FOXM1: variants seen among roughly 807,000 people sequenced by gnomAD.
FOXM1 encodes forkhead box protein M1.
Under a neutral mutation model 63.6 loss-of-function variants are expected in FOXM1, and 25 were observed. The observed-to-expected ratio is 0.39, with a 90% CI of 0.29 to 0.55. The LOEUF (loss-of-function observed/expected upper bound fraction) is 0.55. Among genes scored for constraint, FOXM1 ranks in the 20% least tolerant of loss-of-function variants. The pLI is 0.60. For missense variants in FOXM1, 879 were observed against 958.7 expected (o/e 0.92, Z 1.10); for synonymous variants, 387 against 376.9 (o/e 1.03, Z -0.31).
At position 2,864,512 on chromosome 12, in the gene FOXM1, G is replaced by A; in HGVS notation, c.1091-17C>T. ...TCTTCCGCCCTAGGAGGAAACACGA[G>A]AGATCAGGAGCAGGGGGACTGGAGT... On this transcript the variant is annotated splice_polypyrimidine_tract_variant and intron_variant, in intron 7 of 8. Coordinates refer to ENST00000359843, the MANE Select transcript of FOXM1 (RefSeq NM_021953.4). The surrounding 1 kb of genome is among the most constrained non-coding windows in gnomAD (Gnocchi z 5.1). 1 of 1,606,820 alleles carries A rather than the reference G, an allele frequency of 6.2e-7. No homozygotes were observed. The highest frequency in any genetic ancestry group is 8.5e-7 in the Non-Finnish European group (1 of 1,174,474).
At chr12:2,868,214 TCA>T (rs1343839623) in intron 4 of FOXM1, 1 of 171,790 alleles carries the variant, frequency 5.8e-6, no homozygotes, top group African/African-American at 2.4e-5. Flanking sequence ...GTCATGAGGC[TCA>T]CAGACAGCAT....
intron 8 of FOXM1, among the ~76,000 whole-genome samples, chr12:2,861,567 C>T (rs1049311793): frequency 3.3e-5 from 5 of 152,190 alleles, no homozygotes; most frequent in Non-Finnish European, 7.3e-5. Flanking sequence ...CTGGTTTAAA[C>T]ATGACTTATC....
rs889750282 is a variant in FOXM1 at position 2,874,562 on chromosome 12, G to A, written c.-47-37C>T. ...AAATAGTGGCAAGATGTTAGAGATTGTTTAGGCTGAGAAGAGGTCCTTTTA... is the reference window on the plus strand; with the variant it reads ...AAATAGTGGCAAGATGTTAGAGATTATTTAGGCTGAGAAGAGGTCCTTTTA... On this transcript the variant is annotated intron_variant, in intron 1 of 8. Coordinates refer to ENST00000359843, the MANE Select transcript of FOXM1 (RefSeq NM_021953.4). The surrounding 1 kb of genome is among the most constrained non-coding windows in gnomAD (Gnocchi z 4.3). 2.8e-6 allele frequency: 4 copies of A among 1,422,714 alleles called. No homozygotes were observed. In the African/African-American group the frequency reaches 5.7e-5, roughly 20 times the overall value. The allele number at this position is 1,422,714 out of a possible 1,614,324, so 88.1% of individuals were successfully genotyped here. A position where few individuals can be genotyped will look rare whatever the true frequency, so the allele number is the denominator to read the frequency against.
At position 2,877,009 on chromosome 12, in the gene FOXM1, G is replaced by A. The variant is rs2098146185; in HGVS notation, c.-137C>T. The A allele has an allele frequency of 6.6e-6, 1 of 152,066 alleles. No homozygotes were observed. The highest frequency in any genetic ancestry group is 1.5e-5 in the Non-Finnish European group (1 of 67,988). The allele number at this position is 152,066 out of a possible 1,614,324, so 9.4% of individuals were successfully genotyped here. ...ACCTGGGGGCCGAGCCAGGGCCCCG[G>A]ACGGGGGCTCGCGCCGGACCGGCCG... On this transcript the variant is annotated 5_prime_UTR_variant, in exon 1 of 9. Coordinates refer to ENST00000359843, the MANE Select transcript of FOXM1 (RefSeq NM_021953.4).
chr12:2,867,838 C>T (rs1022566824), intron 4 of FOXM1, among the ~76,000 whole-genome samples: 4 of 150,676 alleles, frequency 2.7e-5, no homozygotes, highest in Admixed American at 6.6e-5. Context: ...ATTAGCCAGG[C>T]GTGGTGGCGC....
Position 2,859,106 on chromosome 12 carries a change from G to C in FOXM1, c.1824C>G (p.Ile608Met), listed in dbSNP as rs1457685108. ...FKTPIKETLP[I>M]SSTPSKSVLP... is the part of the protein sequence containing the mutation. Reference sequence around the variant, plus strand: ...GGACAGATTTGCTCGGGGTGGAGGAGATGGGCAGCGTTTCCTTAATGGGTG... The same window carrying C: ...GGACAGATTTGCTCGGGGTGGAGGACATGGGCAGCGTTTCCTTAATGGGTG... Residue 608 changes from isoleucine to methionine, a missense_variant, in exon 9 of 9, where the codon ATC becomes ATG. This residue lies in a region of FOXM1 where 486 missense variants were observed against 453.5 expected (regional missense o/e 1.07). Transcript: ENST00000359843. 6.2e-7 allele frequency: 1 copy of C among 1,606,194 alleles called. No individual in the cohort carries two copies. The highest frequency in any genetic ancestry group is 8.5e-7 in the Non-Finnish European group (1 of 1,177,140).
intron 5 of FOXM1, 37 bp from the exon 6 acceptor site, chr12:2,865,436 T>C: frequency 3.8e-6 from 6 of 1,569,896 alleles, no homozygotes; most frequent in Non-Finnish European, 5.2e-6. Context: ...AGAAATGAGA[T>C]GAAGTTACCA....
Position 2,867,147 on chromosome 12 carries a change from C to T in FOXM1, c.847-626G>A, listed in dbSNP as rs140068145. Among the ~76,000 whole-genome samples the T allele has an allele frequency of 4.9e-3, 732 of 150,480 alleles. 4 individuals are homozygous for T. Among genetic ancestry groups the T allele is most frequent in the African/African-American group, 0.017 (692 of 40,864 alleles). ...CAGCCTGGGTGACAGAGTGAGGCCC[C>T]GTCTCAAACAAACAAACAAGAAACT... On this transcript the variant is annotated intron_variant, in intron 4 of 8. Transcript: ENST00000359843.
At position 2,858,314 on chromosome 12, in the gene FOXM1, C is replaced by T. The variant is rs1403193893; in HGVS notation, c.*324G>A. ...ATTTATACTATTTACACGGACCACC[C>T]TGCAAAGATCAGGGAAGGTAAGAGA... On this transcript the variant is annotated 3_prime_UTR_variant, in exon 9 of 9. Coordinates refer to ENST00000359843, the MANE Select transcript of FOXM1 (RefSeq NM_021953.4). 3.1e-6 allele frequency: 1 copy of T among 321,934 alleles called. No individual in the cohort carries two copies. The highest frequency in any genetic ancestry group is 2.1e-5 in the African/African-American group (1 of 47,874). 19.9% of individuals were successfully genotyped at this position (321,934 alleles called of 1,614,324 possible). A position where few individuals can be genotyped will look rare whatever the true frequency, so the allele number is the denominator to read the frequency against.
rs374956932 is a variant in FOXM1 at position 2,872,268 on chromosome 12, C to T, written c.503-21G>A. 3 of 1,613,142 alleles carry T rather than the reference C, an allele frequency of 1.9e-6. No individual in the cohort carries two copies. In the African/African-American group the frequency reaches 4.0e-5, roughly 22 times the overall value. On this transcript the variant is annotated intron_variant, in intron 2 of 8. Transcript: ENST00000359843. This position sits in a 1 kb window ranked among gnomAD's most constrained non-coding sequence, Gnocchi z 4.0. ...ATCTGCTAGAGGGAAAATAATCCAA[C>T]ACCCCACTTAGCTGCCTCATCAGAT...
intron 3 of FOXM1, among the ~76,000 whole-genome samples, chr12:2,869,587 C>T (rs553137622): frequency 6.6e-6 from 1 of 152,012 alleles, no homozygotes; most frequent in Admixed American, 6.6e-5. Flanking sequence ...AGGTGCCTGC[C>T]ACCACGCCCA....
Position 2,874,274 on chromosome 12 carries a change from T to G in FOXM1, c.205A>C (p.Thr69Pro), listed in dbSNP as rs948350959. The part of the protein sequence containing the change: ...PAGIKIINHP[T>P]MPNTQVVAIP... ...GCCACTACTTGCGTGTTGGGCATGG[T>G]GGGGTGGTTAATAATCTTGATCCCA... The change falls in exon 2 of 9, where the codon ACC becomes CCC. Residue 69 changes from threonine to proline, a missense_variant. Physicochemically the swap from Thr to Pro is conservative, Grantham distance 38. Around this residue, in one of 4 missense-constraint regions of FOXM1, gnomAD observed 255 missense variants for 292.4 expected, o/e 0.87. Transcript: ENST00000359843. This position sits in a 1 kb window ranked among gnomAD's most constrained non-coding sequence, Gnocchi z 4.3. 6.2e-7 allele frequency: 1 copy of G among 1,614,060 alleles called. No individual in the cohort carries two copies. Among genetic ancestry groups the G allele is most frequent in the Middle Eastern group, 1.6e-4 (1 of 6,062 alleles).
In FOXM1 at chr12:2,858,352, G is replaced by T. The variant is rs1017580544; in HGVS notation, c.*286C>A. 2 of 402,728 alleles carry T rather than the reference G, an allele frequency of 5.0e-6. No homozygotes were observed. The highest frequency in any genetic ancestry group is 4.0e-5 in the Admixed American group (1 of 25,140). 24.9% of individuals were successfully genotyped at this position (402,728 alleles called of 1,614,324 possible). ...GGAAGGTAAGAGACTGCTGGGCAGA[G>T]AATGGAAACAGGCTGGGGGGTTCCT... On this transcript the variant is annotated 3_prime_UTR_variant, in exon 9 of 9. Transcript: ENST00000359843.
In FOXM1 at chr12:2,864,550, A is replaced by C; in HGVS notation, c.1091-55T>G. 6.3e-7 allele frequency: 1 copy of C among 1,584,964 alleles called. No individual in the cohort carries two copies. The highest frequency in any genetic ancestry group is 8.6e-7 in the Non-Finnish European group (1 of 1,156,950). ...GGGGGACTGGAGTACACCCCTTCTC[A>C]GCCCCAGGAGCTTTGCTCTCCTTCT... is the stretch of plus-strand genomic sequence containing the variant. On this transcript the variant is annotated intron_variant, in intron 7 of 8. Coordinates refer to ENST00000359843, the MANE Select transcript of FOXM1 (RefSeq NM_021953.4). The surrounding 1 kb of genome is among the most constrained non-coding windows in gnomAD (Gnocchi z 5.1).
At position 2,859,222 on chromosome 12, in the gene FOXM1, G is replaced by A. The variant is rs374013446; in HGVS notation, c.1708C>T (p.Arg570Cys). Residue 570 changes from arginine (R) to cysteine (C), a missense_variant, in exon 9 of 9, where the codon CGC becomes TGC. By Grantham distance (180) the Arg-to-Cys change is radical. Transcript: ENST00000359843. ...LLFSEGPSTS[R>C]WAAELPFPAD... ...GGGAACGGGAGCTCTGCGGCCCAGC[G>A]GGAAGTACTGGGCCCCTCTGAGAAG... is the stretch of plus-strand genomic sequence containing the variant. 7.3e-5 allele frequency: 118 copies of A among 1,613,108 alleles called. No individual in the cohort carries two copies. The highest frequency in any genetic ancestry group is 3.3e-4 in the Middle Eastern group (2 of 6,082).
At chr12:2,866,605 A>C in intron 4 of FOXM1, 84 bp from the exon 5 acceptor site, 16 of 1,392,008 alleles carry the variant, frequency 1.1e-5, no homozygotes, top group Non-Finnish European at 1.5e-5. Flanking sequence ...AACCAGCCTC[A>C]GGCCCCTCCC....
chr12:2,875,242 C>T (rs968402202), intron 1 of FOXM1, among the ~76,000 whole-genome samples: 2 of 152,182 alleles, frequency 1.3e-5, no homozygotes, highest in African/African-American at 2.4e-5. Flanking sequence ...ATCTGCCCGC[C>T]TCGGCCTCCC....
At position 2,865,415 on chromosome 12, in the gene FOXM1, C is replaced by A; in HGVS notation, c.976-16G>T. ...GGTCCAGTGGCTGGTGGCGGCCAGG[C>A]ATTGTGGGAGAGAAATGAGATGAAG... On this transcript the variant is annotated splice_polypyrimidine_tract_variant and intron_variant, in intron 5 of 8. Transcript: ENST00000359843. The A allele has an allele frequency of 1.2e-6, 2 of 1,607,672 alleles. No individual in the cohort carries two copies. The highest frequency in any genetic ancestry group is 8.5e-7 in the Non-Finnish European group (1 of 1,176,630).
Position 2,867,387 on chromosome 12 carries a change from C to G in FOXM1, c.847-866G>C, listed in dbSNP as rs1482032959. On this transcript the variant is annotated intron_variant, in intron 4 of 8. Transcript: ENST00000359843. ...GATGTTGAGGAGGGAAGAGCTTGAG[C>G]CCAGGGGGCTGAGGCTGCACTCCAG... 4.0e-5 allele frequency among the ~76,000 whole-genome samples: 6 copies of G among 151,898 alleles called. No homozygotes were observed. In the East Asian group the frequency reaches 1.2e-3, roughly 30 times the overall value.
Sources: gnomAD v4.1 joint callset for allele counts (sites outside exome capture counted in the v4.1 genomes callset) on GRCh38, gnomAD v4.1.1 for gene constraint, gnomAD v4.1.1 regional missense constraint, Gnocchi (gnomAD v3.1) non-coding constraint, MANE v1.5 for transcripts, NCBI Gene and HGNC (gene_info 2026-07-23, HGNC 2026-07-21) for gene names.